PHF21A: variants seen among roughly 807,000 people sequenced by gnomAD.
PHF21A encodes the protein PHD finger protein 21A, also known as BHC80a.
Under a neutral mutation model 82.5 loss-of-function variants are expected in PHF21A, and 11 were observed. That is an observed-to-expected ratio of 0.13 (90% CI 0.08 to 0.22). The LOEUF is 0.22. Ranked by LOEUF, PHF21A falls within the 10% of genes least tolerant of loss-of-function variation. PHF21A has a pLI of 1.00. For missense variants in PHF21A, 579 were observed against 837.8 expected (o/e 0.69, Z 3.81); for synonymous variants, 297 against 302.8 (o/e 0.98, Z 0.20).
At chr11:46,033,794 T>G (rs1565646003) in intron 6 of PHF21A, among the ~76,000 whole-genome samples, 2 of 152,228 alleles carry the variant, frequency 1.3e-5, no homozygotes, top group African/African-American at 2.4e-5. Flanking sequence ...CTGTTTACTT[T>G]TTTGTAGGTG....
rs1486975655 is a variant in PHF21A, at chr11:46,014,961, C to G, written c.154-34995G>C. On this transcript the variant is annotated intron_variant, in intron 6 of 18. Transcript: ENST00000676320. ...CGCCACTGCACTCCAGCCTGGGCGA[C>G]AGAGCGAGACTCCGTCTCAAAAAAA... Among the ~76,000 whole-genome samples the G allele has an allele frequency of 5.2e-5, 2 of 38,332 alleles. 1 individual carries two copies. The highest frequency in any genetic ancestry group is 7.5e-5 in the Non-Finnish European group (2 of 26,658). The allele number at this position is 38,332 out of a possible 152,430, so 25.1% of individuals were successfully genotyped here.
intron 6 of PHF21A, among the ~76,000 whole-genome samples, chr11:46,039,425 C>T (rs1378255490): frequency 1.3e-5 from 2 of 152,128 alleles, no homozygotes; most frequent in Non-Finnish European, 2.9e-5. Flanking sequence ...TTGTCCCAGG[C>T]ATAGTGGATA....
chr11:45,950,421 G>T (rs1250015250), intron 11 of PHF21A, among the ~76,000 whole-genome samples, 164 bp from the exon 12 acceptor site: 3 of 152,132 alleles, frequency 2.0e-5, no homozygotes, highest in Non-Finnish European at 2.9e-5. Flanking sequence ...TCTACAGCAG[G>T]GGTGTCCAAG....
chr11:46,016,714 T>C (rs974054123), intron 6 of PHF21A, among the ~76,000 whole-genome samples: 16 of 152,040 alleles, frequency 1.1e-4, no homozygotes, highest in African/African-American at 3.6e-4. Flanking sequence ...CTTAAGAACA[T>C]GGGGAGACTA....
intron 6 of PHF21A, among the ~76,000 whole-genome samples, chr11:46,044,308 AAAAAG>A (rs1017659361): frequency 2.0e-5 from 3 of 152,118 alleles, no homozygotes; most frequent in Non-Finnish European, 2.9e-5. Flanking sequence ...AGCAGGAAAA[AAAAAG>A]AAAATTCATG....
Position 45,936,551 on chromosome 11 carries a change from C to T in PHF21A, c.1627G>A (p.Ala543Thr). ...GCTAAAGTTCCAGGCCATGGAATTG[C>T]TTCTTCCTTCTTCAGCATCTGAAAA... ...CQDQMLKKEE[A>T]IPWPGTLAIV... The change falls in exon 17 of 19, where the codon GCA (alanine) becomes ACA (threonine). Residue 543 changes from alanine to threonine, a missense_variant. By Grantham distance (58) the Ala-to-Thr change is moderately conservative. Transcript: ENST00000676320. 2 of 1,612,022 alleles carry T rather than the reference C, an allele frequency of 1.2e-6. No homozygotes were observed. The highest frequency in any genetic ancestry group is 1.7e-6 in the Non-Finnish European group (2 of 1,178,158).
At chr11:45,956,803 C>T (rs1238824635) in intron 10 of PHF21A, among the ~76,000 whole-genome samples, 4 of 152,068 alleles carry the variant, frequency 2.6e-5, no homozygotes, top group Admixed American at 6.6e-5. Flanking sequence ...AGCAAAATGG[C>T]GTAAGTCCCT....
chr11:46,053,294 T>C (rs1287120445), intron 6 of PHF21A, among the ~76,000 whole-genome samples: 1 of 152,084 alleles, frequency 6.6e-6, no homozygotes, highest in Non-Finnish European at 1.5e-5. Context: ...GTGAAACAAA[T>C]ACCTAAAAGT....
intron 6 of PHF21A, among the ~76,000 whole-genome samples, chr11:46,031,211 A>G (rs997427014): frequency 3.3e-5 from 5 of 152,146 alleles, no homozygotes; most frequent in African/African-American, 1.2e-4. Context: ...TTCTGCAATA[A>G]TGTCCCTTCC....
intron 5 of PHF21A, among the ~76,000 whole-genome samples, chr11:46,077,793 AGAAAT>A (rs1280775851): frequency 6.6e-6 from 1 of 152,260 alleles, no homozygotes; most frequent in Non-Finnish European, 1.5e-5. Flanking sequence ...CAACTATAAC[AGAAAT>A]GATAGTTTCT....
At chr11:46,039,100 A>G (rs1040033557) in intron 6 of PHF21A, among the ~76,000 whole-genome samples, 1 of 152,218 alleles carries the variant, frequency 6.6e-6, no homozygotes, top group African/African-American at 2.4e-5. Flanking sequence ...GGGGTCTGAC[A>G]GACAACTCTA....
intron 6 of PHF21A, among the ~76,000 whole-genome samples, chr11:46,002,881 G>A (rs1430394821): frequency 1.3e-5 from 2 of 151,964 alleles, no homozygotes; most frequent in Non-Finnish European, 1.5e-5. Context: ...AACACCCAAT[G>A]TATTTAACAT....
At chr11:45,962,112 C>T (rs563075263) in intron 10 of PHF21A, among the ~76,000 whole-genome samples, 1 of 152,330 alleles carries the variant, frequency 6.6e-6, no homozygotes, top group East Asian at 1.9e-4. Context: ...GCTCCAAACA[C>T]ACTAGAAACT....
chr11:45,943,068 A>T (rs751365166), intron 15 of PHF21A, among the ~76,000 whole-genome samples: 1 of 150,050 alleles, frequency 6.7e-6, no homozygotes, highest in Non-Finnish European at 1.5e-5. Flanking sequence ...AGACGTGATC[A>T]CTTTTCTCCA....
intron 3 of PHF21A, among the ~76,000 whole-genome samples, chr11:46,087,785 T>C (rs551946065): frequency 5.3e-5 from 8 of 152,308 alleles, no homozygotes; most frequent in African/African-American, 1.9e-4. Context: ...AGATAGGGTC[T>C]TACTGTGTCA....
At chr11:46,079,010 T>A (rs2096759898) in intron 5 of PHF21A, 124 bp downstream of exon 5, 1 of 569,564 alleles carries the variant, frequency 1.8e-6, no homozygotes, top group Non-Finnish European at 3.1e-6. Flanking sequence ...TTAAAAATAA[T>A]TGCTATTAGA....
intron 6 of PHF21A, chr11:46,027,153 A>T (rs900356566): frequency 6.6e-6 from 1 of 152,228 alleles, no homozygotes; most frequent in African/African-American, 2.4e-5. Flanking sequence ...TCCAAGCAGC[A>T]GCTGTCTCAC....
intron 13 of PHF21A, 33 bp from the exon 14 acceptor site, chr11:45,948,979 G>C (rs1210484766): frequency 6.4e-7 from 1 of 1,561,090 alleles, no homozygotes; most frequent in Admixed American, 1.7e-5. Flanking sequence ...GGTGACTGTT[G>C]AGTAGTGTGG....
At chr11:46,040,730 T>G (rs1395136883) in intron 6 of PHF21A, among the ~76,000 whole-genome samples, 2 of 152,202 alleles carry the variant, frequency 1.3e-5, no homozygotes, top group Non-Finnish European at 2.9e-5. Context: ...CAAAGGATTC[T>G]GTATATGTTC....
Sources: allele counts gnomAD v4.1 joint callset (sites outside exome capture counted in the v4.1 genomes callset), GRCh38; gene constraint gnomAD v4.1.1; transcripts MANE v1.5; gene names NCBI Gene and HGNC (gene_info 2026-07-23, HGNC 2026-07-21).